Variants in CEP295 observed in about 807,000 individuals in gnomAD.
CEP295 encodes the protein centrosomal protein 295.
CEP295 carries 190 observed loss-of-function variants against 291.6 expected under a neutral mutation model. The ratio of observed to expected loss-of-function variants is 0.65; its 90% CI spans 0.58 to 0.73. The LOEUF (loss-of-function observed/expected upper bound fraction) is 0.73. Ranked by LOEUF, CEP295 falls within the 30% of genes least tolerant of loss-of-function variation. The probability of loss-of-function intolerance (pLI) is 0.00; values close to 1 mark genes in which losing one functional copy is unlikely to be tolerated. For missense variants in CEP295, 2,863 were observed against 2,949.4 expected (o/e 0.97, Z 0.68); for synonymous variants, 993 against 1,038.8 (o/e 0.96, Z 0.85).
At chr11:93,678,680 C>T (rs530467895) in intron 6 of CEP295, among the ~76,000 whole-genome samples, 6 of 152,124 alleles carry the variant, frequency 3.9e-5, no homozygotes, top group East Asian at 3.9e-4. Context: ...GTAATCTCAG[C>T]GCTTTGGGAG....
chr11:93,700,749 G>C (rs1952107092), intron 15 of CEP295, among the ~76,000 whole-genome samples: 1 of 152,064 alleles, frequency 6.6e-6, no homozygotes, highest in Non-Finnish European at 1.5e-5. Flanking sequence ...TCTTATTTTA[G>C]AGTTTTGTTT....
chr11:93,726,695 T>C (rs1158393827), intron 23 of CEP295: 1 of 265,708 alleles, frequency 3.8e-6, no homozygotes. Flanking sequence ...TTTTCTGTTA[T>C]TAAAGTCATA....
chr11:93,696,794 A>T lies in CEP295; in HGVS notation c.1882A>T (p.Ile628Leu). 1 of 1,551,602 alleles carries T rather than the reference A, an allele frequency of 6.4e-7. No individual in the cohort carries two copies. Reference sequence around the variant, plus strand: ...TCCATCATTGATAACTGATTCTGTTATATCAGTGCCATCATGGAAATCTGA... The same window carrying T: ...TCCATCATTGATAACTGATTCTGTTTTATCAGTGCCATCATGGAAATCTGA... The part of the protein sequence containing the change: ...SAPSLITDSV[I>L]SVPSWKSERP... The change falls in exon 15 of 30, where the codon ATA becomes TTA. Residue 628 changes from isoleucine (I) to leucine (L), a missense_variant. Coordinates refer to ENST00000325212, the MANE Select transcript of CEP295 (RefSeq NM_033395.2).
chr11:93,717,983 C>T (rs750632987), intron 18 of CEP295, among the ~76,000 whole-genome samples: 9 of 152,210 alleles, frequency 5.9e-5, no homozygotes, highest in Non-Finnish European at 1.3e-4. Flanking sequence ...ACAACCACAG[C>T]TCATTGCTGC....
At chr11:93,673,945 C>CT (rs1950564895) in intron 5 of CEP295, among the ~76,000 whole-genome samples, 1 of 149,206 alleles carries the variant, frequency 6.7e-6, no homozygotes. Context: ...TTTCTTAATC[C>CT]CCCCTTCTTT....
At chr11:93,721,289 GA>G (rs1442746741) in intron 18 of CEP295, 22 bp from the exon 19 acceptor site, 2 of 1,429,790 alleles carry the variant, frequency 1.4e-6, no homozygotes, top group African/African-American at 2.8e-5. Context: ...CTCCCATCTT[GA>G]ACTCCAAAAT....
intron 7 of CEP295, among the ~76,000 whole-genome samples, chr11:93,682,479 C>T (rs921056059): frequency 2.6e-5 from 4 of 152,208 alleles, no homozygotes; most frequent in Admixed American, 6.5e-5. Context: ...CTGCCTTGGC[C>T]TCCCAAAGTG....
chr11:93,679,579 A>T, intron 7 of CEP295, 27 bp downstream of exon 7: 1 of 1,543,936 alleles, frequency 6.5e-7, no homozygotes, highest in South Asian at 1.2e-5. Context: ...ACCCATGACC[A>T]TTACTCATGG....
chr11:93,704,015 C>T (rs868044988), intron 17 of CEP295, among the ~76,000 whole-genome samples: 8 of 151,990 alleles, frequency 5.3e-5, no homozygotes, highest in African/African-American at 1.9e-4. Context: ...GTGATCCGCC[C>T]GCCTCGGCCT....
chr11:93,670,388 TA>T (rs1183546552), intron 5 of CEP295, among the ~76,000 whole-genome samples: 5 of 22,814 alleles, frequency 2.2e-4, no homozygotes, highest in South Asian at 0.017. Context: ...ATTTGAAGCT[TA>T]TTTTTTTTAA....
rs1171431197 is a variant in CEP295, at chr11:93,698,106, C to G, written c.3194C>G (p.Thr1065Ser). Reference sequence around the variant, plus strand: ...TTGAAGTTGCTCCAAGAACAGTTGACTAAACAGAGGGATACTCTTCAGGCT... The same window carrying G: ...TTGAAGTTGCTCCAAGAACAGTTGAGTAAACAGAGGGATACTCTTCAGGCT... ...DSLKLLQEQLTKQRDTLQARH... is the reference protein window; with the variant it reads ...DSLKLLQEQLSKQRDTLQARH... The change falls in exon 15 of 30, where the codon ACT becomes AGT. Residue 1065 changes from threonine (T) to serine (S), a missense_variant. Thr to Ser is a moderately conservative substitution (Grantham distance 58). Transcript: ENST00000325212. 1.3e-6 allele frequency: 2 copies of G among 1,551,894 alleles called. No homozygotes were observed. Among genetic ancestry groups the G allele is most frequent in the Non-Finnish European group, 1.7e-6 (2 of 1,147,008 alleles).
Position 93,666,753 on chromosome 11 carries a change from A to G in CEP295, c.46A>G (p.Asn16Asp). The G allele has an allele frequency of 6.5e-7, 1 of 1,548,934 alleles. No homozygotes were observed. Among genetic ancestry groups the G allele is most frequent in the Non-Finnish European group, 8.7e-7 (1 of 1,144,970 alleles). ...VNTHKLRLSPNEEAFILKEDY... is the reference protein window; with the variant it reads ...VNTHKLRLSPDEEAFILKEDY... ...TACTCACAAGCTGAGATTGAGTCCT[A>G]ATGAGGAAGCCTTCATTTTGAAGGA... The change falls in exon 2 of 30, where the codon AAT becomes GAT. Residue 16 changes from asparagine to aspartate, a missense_variant. Asn to Asp is a conservative substitution (Grantham distance 23). Transcript: ENST00000325212.
At chr11:93,694,128 T>A (rs527513260) in intron 12 of CEP295, among the ~76,000 whole-genome samples, 18 of 152,302 alleles carry the variant, frequency 1.2e-4, no homozygotes, top group African/African-American at 4.1e-4. Context: ...AAGAATCAGG[T>A]CAAAACATTT....
intron 18 of CEP295, among the ~76,000 whole-genome samples, chr11:93,710,629 A>T (rs535136902): frequency 6.6e-6 from 1 of 152,282 alleles, no homozygotes; most frequent in East Asian, 1.9e-4. Context: ...GGCCTTGTGG[A>T]ATGAGTTTGG....
chr11:93,700,399 AT>A (rs1320398739), intron 15 of CEP295, among the ~76,000 whole-genome samples: 1 of 146,680 alleles, frequency 6.8e-6, no homozygotes, highest in Non-Finnish European at 1.5e-5. Flanking sequence ...AGTCCAATTA[AT>A]TTTTTTAAAT....
rs1249061218 is a variant in CEP295 at position 93,679,127 on chromosome 11, G to A, written c.625-285G>A. 5.9e-5 allele frequency among the ~76,000 whole-genome samples: 9 copies of A among 152,152 alleles called. No homozygotes were observed. In the South Asian group the frequency reaches 6.2e-4, roughly 11 times the overall value. On this transcript the variant is annotated intron_variant, in intron 6 of 29. Coordinates refer to ENST00000325212, the MANE Select transcript of CEP295 (RefSeq NM_033395.2). ...CAAAGTGCTGGAATTACAGGCATGCGCCACCACGCCCAGCAAGAGATTTCT... is the reference window on the plus strand; with the variant it reads ...CAAAGTGCTGGAATTACAGGCATGCACCACCACGCCCAGCAAGAGATTTCT...
In CEP295 at chr11:93,668,826, T is replaced by C. The variant is rs938129795; in HGVS notation, c.328T>C (p.Leu110=). 6.6e-7 allele frequency: 1 copy of C among 1,526,338 alleles called. No individual in the cohort carries two copies. Among genetic ancestry groups the C allele is most frequent in the African/African-American group, 1.4e-5 (1 of 71,492 alleles). The allele number at this position is 1,526,338 out of a possible 1,614,324, so 94.5% of individuals were successfully genotyped here. The change falls in exon 4 of 30, where the codon TTG becomes CTG. Residue 110 remains leucine, a synonymous_variant. Transcript: ENST00000325212. ...AKENEPDLDA[L]AQRAAERKRK... ...TTTTTAGGAACCTGATTTGGATGCT[T>C]TGGCACAGCGGGCAGCAGAAAGGAA...
At chr11:93,703,575 GTT>G (rs1022461721) in intron 17 of CEP295, among the ~76,000 whole-genome samples, 9 of 142,656 alleles carry the variant, frequency 6.3e-5, no homozygotes, top group African/African-American at 1.8e-4. Flanking sequence ...ATACACTCAG[GTT>G]TTTTTTTTTT....
chr11:93,729,870 G>T lies in CEP295; in HGVS notation c.7568G>T (p.Ser2523Ile). ...IKTVKEKPSI[S>I]SSVSRLKGVN... ...CTTGATTTCACTTTTCTTTCCTCAG[G>T]TTCATCTGTGAGTCGTCTAAAGGGC... Residue 2523 changes from serine (S) to isoleucine (I), a missense_variant and splice_region_variant, in exon 28 of 30, where the codon AGT (serine) becomes ATT (isoleucine). Around this residue, in one of 3 missense-constraint regions of CEP295, gnomAD observed 2,295 missense variants for 2,335.7 expected, o/e 0.98. Coordinates refer to ENST00000325212, the MANE Select transcript of CEP295 (RefSeq NM_033395.2). 1 of 1,543,766 alleles carries T rather than the reference G, an allele frequency of 6.5e-7. No homozygotes were observed. The highest frequency in any genetic ancestry group is 8.7e-7 in the Non-Finnish European group (1 of 1,144,942).
Sources: gnomAD v4.1 joint callset for allele counts (sites outside exome capture counted in the v4.1 genomes callset) on GRCh38, gnomAD v4.1.1 for gene constraint, gnomAD v4.1.1 regional missense constraint, MANE v1.5 for transcripts, NCBI Gene and HGNC (gene_info 2026-07-23, HGNC 2026-07-21) for gene names.